LINGO2: variants seen among roughly 807,000 people sequenced by gnomAD.
LINGO2 encodes leucine rich repeat and Ig domain containing 2.
In LINGO2, 14 loss-of-function variants were observed where a neutral mutation model predicts 30.6. The ratio of observed to expected loss-of-function variants is 0.46; its 90% CI spans 0.30 to 0.72. The LOEUF is 0.72. Ranked by LOEUF, LINGO2 falls within the 30% of genes least tolerant of loss-of-function variation. The pLI is 0.07. For missense variants in LINGO2, 729 were observed against 751.7 expected, an observed-to-expected ratio of 0.97 and a Z score of 0.35; for synonymous variants, 317 against 288.5, an observed-to-expected ratio of 1.10 and a Z score of -1.00.
chr9:28,391,886 T>C (rs1284745516), intron 2 of LINGO2, among the ~76,000 whole-genome samples: 2 of 152,192 alleles, frequency 1.3e-5, no homozygotes, highest in Non-Finnish European at 2.9e-5. Flanking sequence ...AACCCTATTT[T>C]ATGCTGAATC....
intron 1 of LINGO2, among the ~76,000 whole-genome samples, chr9:28,578,670 T>C (rs1273524400): frequency 2.0e-5 from 3 of 152,144 alleles, no homozygotes; most frequent in Non-Finnish European, 2.9e-5. Flanking sequence ...ATTATAGTTA[T>C]AAATTCTGCT....
At chr9:28,298,170 T>A (rs1823994828) in intron 3 of LINGO2, among the ~76,000 whole-genome samples, 1 of 152,128 alleles carries the variant, frequency 6.6e-6, no homozygotes, top group South Asian at 2.1e-4. Context: ...TTAATGAGAA[T>A]ACAATGAAAA....
At chr9:28,947,556 C>G in the LINGO2 span, among the ~76,000 whole-genome samples, 1 of 151,962 alleles carries the variant, frequency 6.6e-6, no homozygotes, top group Non-Finnish European at 1.5e-5. Context: ...GTGCCCTACT[C>G]CACTTCAGGA....
intron 1 of LINGO2, among the ~76,000 whole-genome samples, chr9:28,654,684 A>T (rs1187592689): frequency 6.6e-6 from 1 of 152,110 alleles, no homozygotes; most frequent in East Asian, 1.9e-4. Flanking sequence ...TTGAAGAGGC[A>T]ATCCTCTTCA....
intron 2 of LINGO2, among the ~76,000 whole-genome samples, chr9:28,459,480 C>A (rs894180727): frequency 6.7e-6 from 1 of 148,474 alleles, no homozygotes; most frequent in Non-Finnish European, 1.5e-5. Flanking sequence ...TCAACAAACA[C>A]TGAACATTTT....
At chr9:28,146,351 G>C (rs1371216214) in intron 4 of LINGO2, among the ~76,000 whole-genome samples, 1 of 152,058 alleles carries the variant, frequency 6.6e-6, no homozygotes, top group Non-Finnish European at 1.5e-5. Context: ...AAAAACTATA[G>C]AGTTATTTAT....
chr9:28,832,027 G>A, the LINGO2 span, among the ~76,000 whole-genome samples: 1 of 151,862 alleles, frequency 6.6e-6, no homozygotes, highest in Non-Finnish European at 1.5e-5. Flanking sequence ...TTCCCAATTT[G>A]GCTTATTCCA....
the LINGO2 span, among the ~76,000 whole-genome samples, chr9:28,883,400 T>C: frequency 2.0e-5 from 3 of 151,640 alleles, no homozygotes; most frequent in South Asian, 6.3e-4. Flanking sequence ...TTACATAGTG[T>C]TCCTTCTGCC....
At chr9:29,000,451 C>A in the LINGO2 span, among the ~76,000 whole-genome samples, 2 of 151,680 alleles carry the variant, frequency 1.3e-5, no homozygotes, top group Non-Finnish European at 2.9e-5. Flanking sequence ...TTTAAAATAT[C>A]TTTTTGAAAT....
chr9:28,271,182 G>T (rs1822926963), intron 4 of LINGO2, among the ~76,000 whole-genome samples: 1 of 150,984 alleles, frequency 6.6e-6, no homozygotes. Context: ...AAAAAACTTA[G>T]AACTTTGTAA....
At chr9:28,507,674 G>C (rs986091169) in intron 1 of LINGO2, among the ~76,000 whole-genome samples, 19 of 152,028 alleles carry the variant, frequency 1.2e-4, no homozygotes, top group Non-Finnish European at 2.2e-4. Context: ...TTATGTATTG[G>C]TATTTGCTTT....
chr9:27,976,764 T>G (rs972886203), intron 5 of LINGO2, among the ~76,000 whole-genome samples: 6 of 152,066 alleles, frequency 3.9e-5, no homozygotes, highest in African/African-American at 1.4e-4. Flanking sequence ...AGGAAGGTGA[T>G]TAAGCTTTAA....
the LINGO2 span, among the ~76,000 whole-genome samples, chr9:29,104,782 T>C: frequency 6.6e-6 from 1 of 152,264 alleles, no homozygotes; most frequent in Non-Finnish European, 1.5e-5. Flanking sequence ...ATATGAAATC[T>C]ATAATCATTT....
the LINGO2 span, among the ~76,000 whole-genome samples, chr9:28,908,016 A>C: frequency 1.1e-4 from 16 of 151,984 alleles, 1 homozygote; most frequent in African/African-American, 3.9e-4. Flanking sequence ...AGGTTTCCTC[A>C]GCATTACTTA....
intron 4 of LINGO2, among the ~76,000 whole-genome samples, chr9:28,175,630 G>A (rs895015666): frequency 2.0e-5 from 3 of 152,070 alleles, no homozygotes; most frequent in Non-Finnish European, 4.4e-5. Flanking sequence ...TAATGACTAC[G>A]AGATATGATC....
At chr9:29,112,602 A>C in the LINGO2 span, among the ~76,000 whole-genome samples, 36 of 152,298 alleles carry the variant, frequency 2.4e-4, no homozygotes, top group South Asian at 4.6e-3. Flanking sequence ...AAATAATAAA[A>C]AACTGCAAAC....
At chr9:28,976,050 G>T in the LINGO2 span, among the ~76,000 whole-genome samples, 2 of 152,084 alleles carry the variant, frequency 1.3e-5, no homozygotes, top group African/African-American at 4.8e-5. Flanking sequence ...TGTCAAACAA[G>T]AAATTAAATT....
At chr9:29,184,264 C>T in the LINGO2 span, among the ~76,000 whole-genome samples, 1 of 151,596 alleles carries the variant, frequency 6.6e-6, no homozygotes, top group African/African-American at 2.4e-5. Context: ...AATTGGCTAA[C>T]TGTTCATCAT....
At chr9:27,985,479 T>A (rs1034996894) in intron 5 of LINGO2, among the ~76,000 whole-genome samples, 2 of 152,056 alleles carry the variant, frequency 1.3e-5, no homozygotes, top group East Asian at 3.9e-4. Flanking sequence ...ACAGTTTAAC[T>A]GTGCATCTTT....
Sources: allele counts gnomAD v4.1 joint callset (sites outside exome capture counted in the v4.1 genomes callset), GRCh38; gene constraint gnomAD v4.1.1; transcripts MANE v1.5; gene names NCBI Gene and HGNC (gene_info 2026-07-23, HGNC 2026-07-21).